Variants in CNTN5 observed in about 807,000 individuals in gnomAD.
CNTN5 encodes the protein contactin-5.
Under a neutral mutation model 129.1 loss-of-function variants are expected in CNTN5, and 77 were observed. The ratio of observed to expected loss-of-function variants is 0.60; its 90% CI spans 0.50 to 0.72. The LOEUF (loss-of-function observed/expected upper bound fraction) is 0.72. CNTN5 is among the 30% of genes least tolerant of loss of function. The pLI, the probability that CNTN5 is intolerant of heterozygous loss-of-function variation, is 0.00. For missense variants in CNTN5, 1,478 were observed against 1,328.8 expected, an observed-to-expected ratio of 1.11 and a Z score of -1.75; for synonymous variants, 509 against 465.6, an observed-to-expected ratio of 1.09 and a Z score of -1.20.
chr11:99,045,707 A>G (rs1232465640), intron 1 of CNTN5, among the ~76,000 whole-genome samples: 1 of 152,226 alleles, frequency 6.6e-6, no homozygotes, highest in Non-Finnish European at 1.5e-5. Context: ...AACTTTAAGC[A>G]TCGGGGTGTT....
intron 13 of CNTN5, among the ~76,000 whole-genome samples, chr11:100,178,357 C>G (rs1948034259): frequency 6.6e-6 from 1 of 152,146 alleles, no homozygotes; most frequent in Non-Finnish European, 1.5e-5. Context: ...TCTTCGTCTA[C>G]TTCCTCCTCC....
chr11:99,730,462 A>G (rs1591051379), intron 3 of CNTN5, among the ~76,000 whole-genome samples: 1 of 152,220 alleles, frequency 6.6e-6, no homozygotes, highest in Non-Finnish European at 1.5e-5. Context: ...AAACACCTCA[A>G]TATTTTATGC....
chr11:99,847,294 C>A (rs2135708415), intron 6 of CNTN5, among the ~76,000 whole-genome samples: 1 of 152,294 alleles, frequency 6.6e-6, no homozygotes, highest in East Asian at 1.9e-4. Flanking sequence ...ACATAGTTGT[C>A]AAATACACTC....
At chr11:100,283,314 T>A (rs559417460) in intron 18 of CNTN5, among the ~76,000 whole-genome samples, 16 of 152,236 alleles carry the variant, frequency 1.1e-4, no homozygotes, top group Middle Eastern at 3.4e-3. Flanking sequence ...CAAGAAAAAG[T>A]TCTCCCCACT....
chr11:99,734,929 A>G (rs1943652579), intron 3 of CNTN5, among the ~76,000 whole-genome samples: 1 of 152,252 alleles, frequency 6.6e-6, no homozygotes, highest in African/African-American at 2.4e-5. Context: ...AATGGCGTGA[A>G]GCCGGGAGGC....
intron 1 of CNTN5, among the ~76,000 whole-genome samples, chr11:99,287,047 T>C (rs1565463685): frequency 6.6e-6 from 1 of 152,038 alleles, no homozygotes; most frequent in Non-Finnish European, 1.5e-5. Flanking sequence ...GAAAGTGAAG[T>C]TTTGGGGAAA....
At chr11:99,447,987 A>G (rs2656169) in intron 2 of CNTN5, among the ~76,000 whole-genome samples, 70,081 of 152,140 alleles carry the variant, frequency 0.46, 17,016 homozygotes, top group Non-Finnish European at 0.54. Context: ...ATGTCAATTC[A>G]TTATTGTAGA....
intron 13 of CNTN5, among the ~76,000 whole-genome samples, chr11:100,096,737 C>G (rs1945024898): frequency 6.6e-6 from 1 of 152,106 alleles, no homozygotes; most frequent in Non-Finnish European, 1.5e-5. Context: ...TGGCATGTCA[C>G]TTTCTACCAG....
At chr11:100,128,052 G>T (rs1565267334) in intron 13 of CNTN5, among the ~76,000 whole-genome samples, 1 of 151,922 alleles carries the variant, frequency 6.6e-6, no homozygotes. Flanking sequence ...GATCTCTATT[G>T]TATCAATTGT....
chr11:99,897,121 A>C (rs1248824017), intron 6 of CNTN5, among the ~76,000 whole-genome samples: 1 of 152,204 alleles, frequency 6.6e-6, no homozygotes, highest in Non-Finnish European at 1.5e-5. Flanking sequence ...TAAAGAAAAA[A>C]ATTTAAAAAA....
chr11:99,368,828 G>T (rs561197451), intron 2 of CNTN5, among the ~76,000 whole-genome samples: 39 of 152,050 alleles, frequency 2.6e-4, no homozygotes, highest in African/African-American at 9.4e-4. Flanking sequence ...CAAGGCTATT[G>T]CAATAGGGGA....
intron 1 of CNTN5, among the ~76,000 whole-genome samples, chr11:99,038,242 C>T (rs901080047): frequency 6.6e-6 from 1 of 151,982 alleles, no homozygotes; most frequent in Non-Finnish European, 1.5e-5. Flanking sequence ...AGATATAAAA[C>T]TTGTATATTC....
chr11:99,746,181 C>T (rs1944050996), intron 3 of CNTN5, among the ~76,000 whole-genome samples: 2 of 152,174 alleles, frequency 1.3e-5, no homozygotes, highest in African/African-American at 2.4e-5. Context: ...TTTTTCCCTA[C>T]ATTTTCTTCT....
chr11:99,729,211 G>T (rs1943447382), intron 3 of CNTN5, among the ~76,000 whole-genome samples: 1 of 152,108 alleles, frequency 6.6e-6, no homozygotes, highest in Non-Finnish European at 1.5e-5. Flanking sequence ...AATTCCATTT[G>T]GGGGAAAAGT....
chr11:100,089,749 C>T (rs1007008232), intron 13 of CNTN5, among the ~76,000 whole-genome samples: 3 of 152,148 alleles, frequency 2.0e-5, no homozygotes, highest in Admixed American at 6.6e-5. Flanking sequence ...TTTGCAGGGA[C>T]GTTGATGGAG....
chr11:100,254,616 A>G (rs1950031287), intron 16 of CNTN5, among the ~76,000 whole-genome samples: 1 of 152,124 alleles, frequency 6.6e-6, no homozygotes, highest in South Asian at 2.1e-4. Context: ...ATTTTCTAAA[A>G]ATGTCATTTG....
At chr11:100,193,249 T>G (rs1270827907) in intron 14 of CNTN5, among the ~76,000 whole-genome samples, 1 of 151,988 alleles carries the variant, frequency 6.6e-6, no homozygotes, top group Non-Finnish European at 1.5e-5. Context: ...TCTTGTCTTT[T>G]TAAAATCCAA....
chr11:100,091,858 A>C (rs1450394735), intron 13 of CNTN5, among the ~76,000 whole-genome samples: 1 of 152,086 alleles, frequency 6.6e-6, no homozygotes, highest in African/African-American at 2.4e-5. Context: ...TTTTAAATGA[A>C]TTTTTGGAGT....
intron 2 of CNTN5, among the ~76,000 whole-genome samples, chr11:99,500,268 T>C (rs1946379460): frequency 6.6e-6 from 1 of 152,184 alleles, no homozygotes; most frequent in African/African-American, 2.4e-5. Context: ...GCAGTGATAG[T>C]AACTCAAAGC....
Sources: gnomAD v4.1 joint callset for allele counts (sites outside exome capture counted in the v4.1 genomes callset) on GRCh38, gnomAD v4.1.1 for gene constraint, MANE v1.5 for transcripts, NCBI Gene and HGNC (gene_info 2026-07-23, HGNC 2026-07-21) for gene names.